Variants in NAALADL2 observed in about 807,000 individuals in gnomAD.
The protein encoded by NAALADL2 is N-acetylated alpha-linked acidic dipeptidase like 2, also known as inactive N-acetylated-alpha-linked acidic dipeptidase-like protein 2.
In NAALADL2, 76 loss-of-function variants were observed where a neutral mutation model predicts 87.2. The observed-to-expected ratio is 0.87, with a 90% CI of 0.72 to 1.05. NAALADL2 has a LOEUF of 1.05. Among genes scored for constraint, NAALADL2 ranks in the 50% least tolerant of loss-of-function variants. NAALADL2 has a pLI of 0.00. For missense variants in NAALADL2, 1,089 were observed against 945.8 expected (o/e 1.15, Z -1.99); for synonymous variants, 354 against 331.0 (o/e 1.07, Z -0.75).
chr3:175,491,713 C>A (rs568793277), intron 9 of NAALADL2, among the ~76,000 whole-genome samples: 82 of 152,226 alleles, frequency 5.4e-4, no homozygotes, highest in African/African-American at 1.8e-3. Context: ...GTAGGCCATG[C>A]CACCCTGCCA....
Position 175,310,948 on chromosome 3 carries a change from A to C in NAALADL2, c.940-13227A>C, listed in dbSNP as rs573891318. Among the ~76,000 whole-genome samples the C allele has an allele frequency of 4.6e-5, 7 of 152,170 alleles. No individual in the cohort carries two copies. The East Asian group carries it at 1.3e-3, about 29-fold the overall frequency. The stretch of plus-strand genomic sequence containing the variant: ...GTCTACAGATGAAAAAAAAAAGTGC[A>C]TGCAGTTGATAATATTAACAATATA... On this transcript the variant is annotated intron_variant, in intron 4 of 13. Coordinates refer to ENST00000454872, the MANE Select transcript of NAALADL2 (RefSeq NM_207015.3).
intron 11 of NAALADL2, among the ~76,000 whole-genome samples, chr3:175,638,834 A>C (rs1689168152): frequency 6.6e-6 from 1 of 152,210 alleles, no homozygotes; most frequent in South Asian, 2.1e-4. Context: ...CCATCAAAAC[A>C]AATCCCATAA....
chr3:175,034,874 A>G (rs1753223565), intron 1 of NAALADL2, among the ~76,000 whole-genome samples: 2 of 152,202 alleles, frequency 1.3e-5, no homozygotes, highest in South Asian at 4.1e-4. Context: ...AGTTATAATC[A>G]TATGAATTAT....
At chr3:175,569,349 T>C (rs747018206) in intron 9 of NAALADL2, among the ~76,000 whole-genome samples, 3 of 152,202 alleles carry the variant, frequency 2.0e-5, no homozygotes, top group African/African-American at 4.8e-5. Context: ...TTTTCACTAG[T>C]TCTAATGAAA....
chr3:175,562,944 T>A (rs1716503826), intron 9 of NAALADL2, among the ~76,000 whole-genome samples: 1 of 113,408 alleles, frequency 8.8e-6, no homozygotes. Flanking sequence ...TTGTCAAAAA[T>A]ATAGGAGGGG....
chr3:174,782,098 C>G (rs987968188), intron 3 of NAALADL2, among the ~76,000 whole-genome samples: 1 of 152,120 alleles, frequency 6.6e-6, no homozygotes, highest in African/African-American at 2.4e-5. Flanking sequence ...TTGACTGTGG[C>G]TGCTGTTTTT....
intron 2 of NAALADL2, among the ~76,000 whole-genome samples, chr3:174,708,924 C>A (rs1372038307): frequency 2.0e-5 from 3 of 152,044 alleles, no homozygotes; most frequent in Admixed American, 2.0e-4. Context: ...AAAGTCCATT[C>A]TTTGAATCAG....
At chr3:174,945,817 G>A (rs561815108) in intron 1 of NAALADL2, among the ~76,000 whole-genome samples, 1 of 152,200 alleles carries the variant, frequency 6.6e-6, no homozygotes, top group Non-Finnish European at 1.5e-5. Context: ...GGAGGCTGAG[G>A]CGGGCAGATC....
chr3:174,578,659 C>CT (rs1201739913), intron 2 of NAALADL2, among the ~76,000 whole-genome samples: 1 of 151,854 alleles, frequency 6.6e-6, no homozygotes, highest in Non-Finnish European at 1.5e-5. Flanking sequence ...CAGATGGTAA[C>CT]TTTGATGTAC....
At chr3:175,591,093 A>T (rs1172270493) in intron 10 of NAALADL2, among the ~76,000 whole-genome samples, 1 of 152,126 alleles carries the variant, frequency 6.6e-6, no homozygotes, top group African/African-American at 2.4e-5. Flanking sequence ...ATTTTTTAGG[A>T]GGTGTCATAG....
chr3:175,264,744 C>A (rs1033757353), intron 4 of NAALADL2, among the ~76,000 whole-genome samples: 6 of 151,380 alleles, frequency 4.0e-5, no homozygotes, highest in Admixed American at 6.6e-5. Flanking sequence ...TTTTTACATC[C>A]TTCAGTGTTT....
chr3:175,246,458 AT>A (rs2109700422), intron 3 of NAALADL2, among the ~76,000 whole-genome samples: 4 of 152,212 alleles, frequency 2.6e-5, no homozygotes, highest in African/African-American at 9.6e-5. Context: ...AGAATGATGG[AT>A]TTGGTTGAAA....
intron 5 of NAALADL2, among the ~76,000 whole-genome samples, chr3:175,411,760 G>A (rs1303111977): frequency 1.3e-5 from 2 of 152,020 alleles, no homozygotes; most frequent in Non-Finnish European, 1.5e-5. Context: ...ATTTTGTCTG[G>A]TAATGAACTA....
chr3:175,174,533 G>A (rs1735396100), intron 2 of NAALADL2, among the ~76,000 whole-genome samples: 1 of 151,814 alleles, frequency 6.6e-6, no homozygotes, highest in Admixed American at 6.6e-5. Context: ...GAAATAAAAA[G>A]AAATTTTCTT....
chr3:175,076,351 A>G (rs1182813292), intron 1 of NAALADL2, among the ~76,000 whole-genome samples: 2 of 143,640 alleles, frequency 1.4e-5, no homozygotes, highest in East Asian at 4.0e-4. Context: ...ACTTTATTCT[A>G]GAGAAGAATA....
At position 174,948,246 on chromosome 3, in the gene NAALADL2, C is replaced by T. The variant is rs186177304; in HGVS notation, c.43+88796C>T. ...GACTGGAGTGCATTGGCTTGATCTC[C>T]GCTCACTGCAACTTCCACCTCCCGG... On this transcript the variant is annotated intron_variant, in intron 1 of 13. Transcript: ENST00000454872. 3.5e-3 allele frequency among the ~76,000 whole-genome samples: 529 copies of T among 152,004 alleles called. 3 individuals are homozygous for T. The highest frequency in any genetic ancestry group is 0.024 in the Admixed American group (362 of 15,258).
intron 1 of NAALADL2, among the ~76,000 whole-genome samples, chr3:174,900,493 A>G (rs1286398339): frequency 1.3e-5 from 2 of 152,032 alleles, no homozygotes; most frequent in African/African-American, 4.8e-5. Context: ...AATTATTTTG[A>G]AAGACTGTTT....
At chr3:175,136,856 TTTA>T (rs1331204149) in intron 2 of NAALADL2, among the ~76,000 whole-genome samples, 2 of 152,200 alleles carry the variant, frequency 1.3e-5, no homozygotes, top group Non-Finnish European at 2.9e-5. Flanking sequence ...AATTATGATA[TTTA>T]TTTGAAATGA....
At chr3:175,357,057 C>G (rs2148895497) in intron 5 of NAALADL2, among the ~76,000 whole-genome samples, 1 of 152,246 alleles carries the variant, frequency 6.6e-6, no homozygotes, top group Non-Finnish European at 1.5e-5. Context: ...TATCTTAACT[C>G]TCAGTGAGTC....
Sources: allele counts gnomAD v4.1 joint callset (sites outside exome capture counted in the v4.1 genomes callset), GRCh38; gene constraint gnomAD v4.1.1; transcripts MANE v1.5; gene names NCBI Gene and HGNC (gene_info 2026-07-23, HGNC 2026-07-21).